Variants in SLC8A1 observed in about 807,000 individuals in gnomAD.
SLC8A1 encodes sodium/calcium exchanger 1.
In SLC8A1, 18 loss-of-function variants were observed where a neutral mutation model predicts 68.3. That is an observed-to-expected ratio of 0.26 (90% CI 0.18 to 0.39). The LOEUF (loss-of-function observed/expected upper bound fraction) is 0.39. Ranked by LOEUF, SLC8A1 falls within the 10% of genes least tolerant of loss-of-function variation. SLC8A1 has a pLI of 1.00. For missense variants in SLC8A1, 985 were observed against 1,156.7 expected (o/e 0.85, Z 2.15); for synonymous variants, 475 against 415.5 (o/e 1.14, Z -1.74).
chr2:40,294,819 A>C (rs1350035794), intron 2 of SLC8A1, among the ~76,000 whole-genome samples: 4 of 152,216 alleles, frequency 2.6e-5, no homozygotes, highest in African/African-American at 9.6e-5. Flanking sequence ...ACTGTTCATA[A>C]TTTTGTTTCC....
intron 1 of SLC8A1, among the ~76,000 whole-genome samples, chr2:40,466,943 A>C (rs1338140697): frequency 6.7e-6 from 1 of 149,060 alleles, no homozygotes; most frequent in Non-Finnish European, 1.5e-5. Flanking sequence ...GAGATTAGTA[A>C]ATTAAATACC....
intron 2 of SLC8A1, among the ~76,000 whole-genome samples, chr2:40,398,427 AAATTTT>A (rs1165391688): frequency 2.0e-5 from 3 of 152,230 alleles, no homozygotes; most frequent in African/African-American, 7.2e-5. Flanking sequence ...GTATGTAGTT[AAATTTT>A]AAGTAACTTA....
At chr2:40,139,832 A>T (rs561160449) in intron 6 of SLC8A1, among the ~76,000 whole-genome samples, 156 bp from the exon 10 acceptor site, 3 of 152,256 alleles carry the variant, frequency 2.0e-5, no homozygotes, top group African/African-American at 7.2e-5. Flanking sequence ...AGTTAATCAT[A>T]ACTAATGAAT....
chr2:40,123,855 T>C (rs2037473426), intron 7 of SLC8A1, among the ~76,000 whole-genome samples: 1 of 152,230 alleles, frequency 6.6e-6, no homozygotes, highest in Admixed American at 6.5e-5. Context: ...TGTTATTATA[T>C]AGATATAACT....
intron 2 of SLC8A1, among the ~76,000 whole-genome samples, chr2:40,410,884 G>A (rs2888677): frequency 0.44 from 67,536 of 151,876 alleles, 15,844 homozygotes; most frequent in African/African-American, 0.6. Flanking sequence ...ACTAAGTTCA[G>A]GAGTATATAA....
chr2:40,442,099 A>G (rs1312696548), intron 1 of SLC8A1, among the ~76,000 whole-genome samples: 1 of 150,450 alleles, frequency 6.6e-6, no homozygotes, highest in African/African-American at 2.4e-5. Context: ...ACCTAATGCT[A>G]AATGACGAGT....
At chr2:40,398,987 C>A (rs1455980694) in intron 2 of SLC8A1, among the ~76,000 whole-genome samples, 3 of 152,090 alleles carry the variant, frequency 2.0e-5, no homozygotes, top group African/African-American at 7.2e-5. Context: ...TGAAAAATGA[C>A]TTTTAAAAAT....
intron 1 of SLC8A1, among the ~76,000 whole-genome samples, chr2:40,448,950 A>C (rs1316598846): frequency 6.6e-6 from 1 of 152,122 alleles, no homozygotes; most frequent in Non-Finnish European, 1.5e-5. Flanking sequence ...ATACTACGAA[A>C]ATATAAAACA....
intron 2 of SLC8A1, among the ~76,000 whole-genome samples, chr2:40,387,096 G>C (rs995773320): frequency 6.6e-6 from 1 of 151,472 alleles, no homozygotes; most frequent in Non-Finnish European, 1.5e-5. Flanking sequence ...TTGGAAACAA[G>C]TATGTTCCAA....
chr2:40,468,451 C>T lies in SLC8A1; in HGVS notation c.-24-38147G>A, dbSNP rs118116670. On this transcript the variant is annotated intron_variant, in intron 1 of 7. Transcript: ENST00000402441. Reference sequence around the variant, plus strand: ...ATGTCTTTCTACATAATTCTTAGCACGGCTCATTAAGTTTAAATAAGCGCC... The same window carrying T: ...ATGTCTTTCTACATAATTCTTAGCATGGCTCATTAAGTTTAAATAAGCGCC... Among the ~76,000 whole-genome samples the T allele has an allele frequency of 6.2e-3, 945 of 152,058 alleles. 13 individuals carry two copies. Among genetic ancestry groups the T allele is most frequent in the South Asian group, 0.06 (288 of 4,812 alleles).
At chr2:40,260,091 A>G (rs1471110069) in intron 2 of SLC8A1, among the ~76,000 whole-genome samples, 1 of 152,252 alleles carries the variant, frequency 6.6e-6, no homozygotes, top group East Asian at 1.9e-4. Flanking sequence ...AAACACATTT[A>G]CATATCAACA....
intron 1 of SLC8A1, among the ~76,000 whole-genome samples, chr2:40,479,448 A>G (rs1449443795): frequency 6.6e-6 from 1 of 152,168 alleles, no homozygotes. Context: ...TGGGCAAAAA[A>G]TAAACATTTT....
rs180692728 is a variant in SLC8A1, at chr2:40,402,468, T to G, written c.1808+26005A>C. Among the ~76,000 whole-genome samples the G allele has an allele frequency of 3.3e-4, 51 of 152,342 alleles. No homozygotes were observed. The East Asian group carries it at 9.1e-3, about 27-fold the overall frequency. The stretch of plus-strand genomic sequence containing the variant: ...GCCATTCTTTTATTCCTTTACTTTC[T>G]TAATAAACTTGCTTTCACTTTATGT... On this transcript the variant is annotated intron_variant, in intron 2 of 7. Coordinates refer to ENST00000406785, the Ensembl canonical transcript of SLC8A1.
rs540328572 is a variant in SLC8A1, at chr2:40,485,325, C to A, written c.-25+27024G>T. Among the ~76,000 whole-genome samples, 4 of 152,284 alleles carry A rather than the reference C, an allele frequency of 2.6e-5. No individual in the cohort carries two copies. The South Asian group carries it at 8.3e-4, about 32-fold the overall frequency. On this transcript the variant is annotated intron_variant, in intron 1 of 7. Transcript: ENST00000402441. Reference sequence around the variant, plus strand: ...ATTGTAGAACTTCTCCTAACAACAACATTTTCCTACTTATTGGCCAGGTTT... The same window carrying A: ...ATTGTAGAACTTCTCCTAACAACAAAATTTTCCTACTTATTGGCCAGGTTT...
chr2:40,419,430 T>A (rs1356366547), intron 2 of SLC8A1, among the ~76,000 whole-genome samples: 1 of 152,142 alleles, frequency 6.6e-6, no homozygotes, highest in Admixed American at 6.6e-5. Flanking sequence ...AGAAATCTAA[T>A]CAGGGCTGTA....
At chr2:40,151,999 T>C (rs1558539020) in intron 6 of SLC8A1, among the ~76,000 whole-genome samples, 2 of 152,342 alleles carry the variant, frequency 1.3e-5, no homozygotes, top group Non-Finnish European at 1.5e-5. Context: ...TGAATGGCTA[T>C]TGAATTCACT....
intron 2 of SLC8A1, among the ~76,000 whole-genome samples, chr2:40,277,792 GTGTATATATATATATA>G (rs70957169): frequency 0.035 from 3,265 of 92,168 alleles, 54 homozygotes; most frequent in Non-Finnish European, 0.046. Flanking sequence ...ATATATATGT[GTGTATATATATATATA>G]TATATATATA....
intron 1 of SLC8A1, among the ~76,000 whole-genome samples, chr2:40,499,088 T>A (rs937956440): frequency 1.3e-5 from 2 of 151,836 alleles, no homozygotes; most frequent in African/African-American, 2.4e-5. Flanking sequence ...CACAAATAAT[T>A]GTTGATCTGT....
At chr2:40,204,112 C>G (rs2148726548) in intron 2 of SLC8A1, among the ~76,000 whole-genome samples, 1 of 152,114 alleles carries the variant, frequency 6.6e-6, no homozygotes, top group African/African-American at 2.4e-5. Flanking sequence ...TTGAAAAATG[C>G]ACACATGCTT....
Sources: gnomAD v4.1 joint callset for allele counts (sites outside exome capture counted in the v4.1 genomes callset) on GRCh38, gnomAD v4.1.1 for gene constraint, MANE v1.5 for transcripts, NCBI Gene and HGNC (gene_info 2026-07-23, HGNC 2026-07-21) for gene names.